DNAJC1: variants seen among roughly 807,000 people sequenced by gnomAD.
DNAJC1 encodes the protein dnaJ homolog subfamily C member 1.
In DNAJC1, 58 loss-of-function variants were observed where a neutral mutation model predicts 76.6. The observed-to-expected ratio is 0.76, with a 90% confidence interval of 0.61 to 0.94. The LOEUF (loss-of-function observed/expected upper bound fraction) is 0.94. DNAJC1 is among the 40% of genes least tolerant of loss of function. DNAJC1 has a pLI of 0.00. For missense variants in DNAJC1, 689 were observed against 677.3 expected (o/e 1.02, Z -0.19); for synonymous variants, 258 against 267.9 (o/e 0.96, Z 0.36).
At chr10:21,844,610 CAT>C (rs1437191868) in intron 8 of DNAJC1, among the ~76,000 whole-genome samples, 3 of 152,140 alleles carry the variant, frequency 2.0e-5, no homozygotes, top group South Asian at 2.1e-4. Flanking sequence ...CATTTTGAAA[CAT>C]ATGTTGATTT....
At chr10:21,766,447 G>C in intron 9 of DNAJC1, 138 bp from the exon 10 acceptor site, 3 of 664,716 alleles carry the variant, frequency 4.5e-6, no homozygotes, top group Non-Finnish European at 8.0e-6. Context: ...GTCGTCTGTC[G>C]CATCCATTAA....
At chr10:21,867,602 C>T (rs897737970) in intron 8 of DNAJC1, among the ~76,000 whole-genome samples, 1 of 152,052 alleles carries the variant, frequency 6.6e-6, no homozygotes, top group African/African-American at 2.4e-5. Flanking sequence ...AGCTAGGGAC[C>T]GATAAGACCC....
intron 6 of DNAJC1, among the ~76,000 whole-genome samples, chr10:21,915,576 A>T (rs1826674753): frequency 1.3e-5 from 2 of 152,196 alleles, no homozygotes; most frequent in African/African-American, 4.8e-5. Flanking sequence ...AATTTACGCC[A>T]AAAGTAAAAC....
chr10:21,761,297 G>A (rs1033462783), intron 10 of DNAJC1, among the ~76,000 whole-genome samples: 3 of 152,108 alleles, frequency 2.0e-5, no homozygotes, highest in African/African-American at 7.2e-5. Context: ...GGTGGCTCAC[G>A]CCTGTAATCC....
chr10:21,776,575 T>G (rs975621081), intron 9 of DNAJC1, among the ~76,000 whole-genome samples: 1 of 152,190 alleles, frequency 6.6e-6, no homozygotes, highest in African/African-American at 2.4e-5. Context: ...ATAAACCACT[T>G]TGAAAAATTA....
At chr10:21,988,586 G>A (rs1488119149) in intron 1 of DNAJC1, among the ~76,000 whole-genome samples, 1 of 152,084 alleles carries the variant, frequency 6.6e-6, no homozygotes, top group African/African-American at 2.4e-5. Context: ...TTAATTCTAT[G>A]AAGCTAATAT....
intron 9 of DNAJC1, among the ~76,000 whole-genome samples, chr10:21,786,106 C>A (rs1834603290): frequency 6.6e-6 from 1 of 151,868 alleles, no homozygotes; most frequent in African/African-American, 2.4e-5. Context: ...GCGCGTGAGG[C>A]AAGAAGAGTG....
At chr10:21,941,436 T>C (rs1837409978) in intron 1 of DNAJC1, among the ~76,000 whole-genome samples, 1 of 152,028 alleles carries the variant, frequency 6.6e-6, no homozygotes, top group Admixed American at 6.6e-5. Flanking sequence ...ATTCATTATA[T>C]TGGATGGGAT....
chr10:21,840,674 T>C (rs1835560758), intron 8 of DNAJC1, among the ~76,000 whole-genome samples: 1 of 152,278 alleles, frequency 6.6e-6, no homozygotes, highest in East Asian at 1.9e-4. Context: ...ATGGCCATAC[T>C]GCCCAAGGTA....
intron 7 of DNAJC1, among the ~76,000 whole-genome samples, chr10:21,889,313 C>T (rs138491564): frequency 6.6e-6 from 1 of 152,214 alleles, no homozygotes; most frequent in East Asian, 1.9e-4. Flanking sequence ...ATTCATGAGA[C>T]ATTGCCCCCA....
intron 1 of DNAJC1, among the ~76,000 whole-genome samples, chr10:21,977,609 A>G (rs576828936): frequency 6.6e-6 from 1 of 152,190 alleles, no homozygotes. Flanking sequence ...TTCCCAGTGC[A>G]GGGGACCAAA....
At position 21,879,046 on chromosome 10, in the gene DNAJC1, T is replaced by C. The variant is rs534318813; in HGVS notation, c.978+3236A>G. 2.0e-5 allele frequency among the ~76,000 whole-genome samples: 3 copies of C among 152,320 alleles called. No individual in the cohort carries two copies. The East Asian group carries it at 5.8e-4, about 29-fold the overall frequency. Reference sequence around the variant, plus strand: ...GGACTACATAGGAAATGATGCTATTTATAAACTAACAAGCAGGTAAAACTA... The same window carrying C: ...GGACTACATAGGAAATGATGCTATTCATAAACTAACAAGCAGGTAAAACTA... On this transcript the variant is annotated intron_variant, in intron 8 of 11. Coordinates refer to ENST00000376980, the MANE Select transcript of DNAJC1 (RefSeq NM_022365.4).
intron 9 of DNAJC1, among the ~76,000 whole-genome samples, chr10:21,786,430 ATATATAT>A (rs1834608213): frequency 7.2e-5 from 1 of 13,896 alleles, no homozygotes; most frequent in African/African-American, 2.9e-4. Flanking sequence ...AAATGGGAAT[ATATATAT>A]ATATATATAT....
At position 21,884,560 on chromosome 10, in the gene DNAJC1, T is replaced by C. The variant is rs1284787504; in HGVS notation, c.821-2121A>G. ...CCAGCAATTCTCCCAGAAACAAAAGTACTCAAATATAACTGTATGTGGGTA... is the reference window on the plus strand; with the variant it reads ...CCAGCAATTCTCCCAGAAACAAAAGCACTCAAATATAACTGTATGTGGGTA... On this transcript the variant is annotated intron_variant, in intron 7 of 11. Transcript: ENST00000376980. 2.0e-5 allele frequency among the ~76,000 whole-genome samples: 3 copies of C among 152,276 alleles called. No individual in the cohort carries two copies. In the East Asian group the frequency reaches 5.8e-4, roughly 29 times the overall value.
At chr10:21,763,220 C>T (rs1285623782) in intron 10 of DNAJC1, among the ~76,000 whole-genome samples, 4 of 152,304 alleles carry the variant, frequency 2.6e-5, no homozygotes, top group Non-Finnish European at 5.9e-5. Flanking sequence ...CGTGAGGCAC[C>T]GTGCCCAGCC....
chr10:21,868,791 A>G (rs1379065351), intron 8 of DNAJC1, among the ~76,000 whole-genome samples: 1 of 152,004 alleles, frequency 6.6e-6, no homozygotes, highest in Non-Finnish European at 1.5e-5. Flanking sequence ...AAAACTTGAA[A>G]AACTAGGTCA....
intron 8 of DNAJC1, among the ~76,000 whole-genome samples, chr10:21,812,357 A>G (rs1413998897): frequency 6.6e-6 from 1 of 152,126 alleles, no homozygotes; most frequent in Admixed American, 6.6e-5. Flanking sequence ...GCGCCCAGCC[A>G]GACAAATGAT....
chr10:21,943,447 CT>C (rs1266771624), intron 1 of DNAJC1, among the ~76,000 whole-genome samples: 2 of 152,188 alleles, frequency 1.3e-5, no homozygotes, highest in African/African-American at 2.4e-5. Context: ...CTTTACCTTC[CT>C]TCCTTTCCTC....
intron 1 of DNAJC1, among the ~76,000 whole-genome samples, chr10:21,935,521 G>A (rs923024301): frequency 6.6e-6 from 1 of 151,990 alleles, no homozygotes; most frequent in Admixed American, 6.5e-5. Context: ...ACACATAATG[G>A]ATCTCCAAAA....
Sources: allele counts gnomAD v4.1 joint callset (sites outside exome capture counted in the v4.1 genomes callset), GRCh38; gene constraint gnomAD v4.1.1; transcripts MANE v1.5; gene names NCBI Gene and HGNC (gene_info 2026-07-23, HGNC 2026-07-21).